The following SPAG16 variants were observed in gnomAD, a reference collection of about 807,000 sequenced individuals.
The protein encoded by SPAG16 is sperm associated antigen 16, also known as sperm-associated antigen 16 protein.
SPAG16 carries 86 observed loss-of-function variants against 80.4 expected under a neutral mutation model. The observed-to-expected ratio is 1.07, with a 90% confidence interval of 0.90 to 1.28. The LOEUF is 1.28. SPAG16 is among the 50% of genes most tolerant of loss of function. SPAG16 has a pLI of 0.00. For synonymous variants in SPAG16, 294 were observed against 265.9 expected (o/e 1.11, Z -1.03); for missense variants, 870 against 765.3 (o/e 1.14, Z -1.61).
intron 14 of SPAG16, among the ~76,000 whole-genome samples, chr2:214,140,430 A>G (rs899602641): frequency 1.3e-5 from 2 of 152,008 alleles, no homozygotes; most frequent in African/African-American, 4.8e-5. Flanking sequence ...GATACTATAT[A>G]TTTGGCAAAT....
intron 10 of SPAG16, among the ~76,000 whole-genome samples, chr2:213,531,430 G>A (rs1004024980): frequency 6.6e-6 from 1 of 151,404 alleles, no homozygotes; most frequent in African/African-American, 2.4e-5. Context: ...GTGTTAGGCT[G>A]CCTGCACTCA....
At chr2:213,442,353 T>C (rs1229790982) in intron 9 of SPAG16, among the ~76,000 whole-genome samples, 1 of 152,242 alleles carries the variant, frequency 6.6e-6, no homozygotes, top group African/African-American at 2.4e-5. Context: ...CTTTCCAACT[T>C]GACCAGTAGA....
intron 10 of SPAG16, among the ~76,000 whole-genome samples, chr2:213,800,442 C>T (rs557660809): frequency 6.6e-6 from 1 of 151,516 alleles, no homozygotes; most frequent in Non-Finnish European, 1.5e-5. Flanking sequence ...TCATAGCTCA[C>T]TGTAATCTCA....
At chr2:213,533,921 G>T (rs1369904243) in intron 10 of SPAG16, among the ~76,000 whole-genome samples, 1 of 151,954 alleles carries the variant, frequency 6.6e-6, no homozygotes, top group African/African-American at 2.4e-5. Context: ...GACATTAAAG[G>T]CTTGGTTTTT....
chr2:213,750,124 T>G (rs2068014870), intron 10 of SPAG16, among the ~76,000 whole-genome samples: 1 of 152,162 alleles, frequency 6.6e-6, no homozygotes, highest in African/African-American at 2.4e-5. Flanking sequence ...AAGAATTAAT[T>G]TTTACTTTGC....
At chr2:213,710,826 T>A (rs1441266728) in intron 10 of SPAG16, among the ~76,000 whole-genome samples, 1 of 152,212 alleles carries the variant, frequency 6.6e-6, no homozygotes, top group Non-Finnish European at 1.5e-5. Context: ...CAATTTTCTT[T>A]TCTCCCATCC....
At chr2:214,410,029 A>C (rs1170762703) in intron 15 of SPAG16, 111 bp from the exon 16 acceptor site, 3 of 1,213,542 alleles carry the variant, frequency 2.5e-6, no homozygotes, top group Non-Finnish European at 2.3e-6. Flanking sequence ...ACTGACCCCT[A>C]ACACAGAATG....
At chr2:213,893,672 G>C (rs2076879488) in intron 11 of SPAG16, among the ~76,000 whole-genome samples, 1 of 151,756 alleles carries the variant, frequency 6.6e-6, no homozygotes, top group Non-Finnish European at 1.5e-5. Context: ...TGTCATATCT[G>C]TAAAATAACT....
intron 10 of SPAG16, among the ~76,000 whole-genome samples, chr2:213,786,745 G>A (rs1002860472): frequency 3.3e-5 from 5 of 151,994 alleles, no homozygotes; most frequent in African/African-American, 9.7e-5. Flanking sequence ...ATAGATTAAT[G>A]GGAAATAAAT....
intron 9 of SPAG16, among the ~76,000 whole-genome samples, chr2:213,467,934 T>C (rs4016237): frequency 0.097 from 14,795 of 152,210 alleles, 1,877 homozygotes; most frequent in African/African-American, 0.29. Context: ...GCAAGGCAGC[T>C]ATTAGAGACT....
At chr2:213,592,858 C>T (rs2060751119) in intron 10 of SPAG16, among the ~76,000 whole-genome samples, 1 of 152,196 alleles carries the variant, frequency 6.6e-6, no homozygotes, top group Non-Finnish European at 1.5e-5. Flanking sequence ...CTATTCTGCA[C>T]TGGCAGAAAC....
chr2:214,129,196 G>A (rs1358461836), intron 14 of SPAG16, among the ~76,000 whole-genome samples: 1 of 152,084 alleles, frequency 6.6e-6, no homozygotes, highest in African/African-American at 2.4e-5. Context: ...TGTACACTCT[G>A]CCTCGCAAAT....
At chr2:213,808,385 C>T (rs1477018065) in intron 10 of SPAG16, among the ~76,000 whole-genome samples, 1 of 152,094 alleles carries the variant, frequency 6.6e-6, no homozygotes, top group Non-Finnish European at 1.5e-5. Flanking sequence ...CTGGAAAACA[C>T]ACCTTAAAGA....
intron 10 of SPAG16, among the ~76,000 whole-genome samples, chr2:213,673,031 A>T (rs1392750627): frequency 6.6e-6 from 1 of 151,808 alleles, no homozygotes; most frequent in Non-Finnish European, 1.5e-5. Flanking sequence ...GAATTTCAGG[A>T]TGTTACCACT....
At chr2:213,680,822 C>A (rs1407690515) in intron 10 of SPAG16, among the ~76,000 whole-genome samples, 1 of 152,090 alleles carries the variant, frequency 6.6e-6, no homozygotes, top group Admixed American at 6.6e-5. Context: ...AGACATCAGT[C>A]AAATACACTT....
At chr2:213,536,600 T>C (rs1000016612) in intron 10 of SPAG16, among the ~76,000 whole-genome samples, 1 of 152,248 alleles carries the variant, frequency 6.6e-6, no homozygotes, top group Non-Finnish European at 1.5e-5. Flanking sequence ...CATTTTTTCA[T>C]GTGTCTTTTG....
intron 10 of SPAG16, among the ~76,000 whole-genome samples, chr2:213,823,781 A>G (rs1004419868): frequency 6.6e-6 from 1 of 152,164 alleles, no homozygotes; most frequent in Non-Finnish European, 1.5e-5. Flanking sequence ...TTGTGTAAAC[A>G]TGTTTAAGTT....
intron 14 of SPAG16, among the ~76,000 whole-genome samples, chr2:214,143,661 C>G (rs1309560049): frequency 6.6e-6 from 1 of 152,074 alleles, no homozygotes; most frequent in East Asian, 1.9e-4. Context: ...TGATTACTTT[C>G]TACTTTCTTT....
intron 13 of SPAG16, among the ~76,000 whole-genome samples, chr2:214,022,789 T>C (rs1285488599): frequency 6.6e-6 from 1 of 152,218 alleles, no homozygotes; most frequent in African/African-American, 2.4e-5. Flanking sequence ...AGATATACCC[T>C]ATTTCACTTT....
Sources: gnomAD v4.1 joint callset for allele counts (sites outside exome capture counted in the v4.1 genomes callset) on GRCh38, gnomAD v4.1.1 for gene constraint, MANE v1.5 for transcripts, NCBI Gene and HGNC (gene_info 2026-07-23, HGNC 2026-07-21) for gene names.